ZFPM2: variants seen among roughly 807,000 people sequenced by gnomAD.
ZFPM2 encodes zinc finger protein, FOG family member 2.
In ZFPM2, 20 loss-of-function variants were observed where a neutral mutation model predicts 98.6. That is an observed-to-expected ratio of 0.20 (90% CI 0.14 to 0.29). ZFPM2 has a LOEUF of 0.29. Ranked by LOEUF, ZFPM2 falls within the 10% of genes least tolerant of loss-of-function variation. The pLI is 1.00. For synonymous variants in ZFPM2, 518 were observed against 502.7 expected, an observed-to-expected ratio of 1.03 and a Z score of -0.41; for missense variants, 1,310 against 1,388.6, an observed-to-expected ratio of 0.94 and a Z score of 0.90.
intron 1 of ZFPM2, among the ~76,000 whole-genome samples, chr8:105,329,129 C>T (rs879710643): frequency 2.0e-5 from 3 of 151,764 alleles, no homozygotes; most frequent in East Asian, 1.9e-4. Flanking sequence ...ACGAAGAGAG[C>T]GTCTGATAAA....
chr8:105,319,376 G>T (rs1811975078), intron 1 of ZFPM2, among the ~76,000 whole-genome samples: 1 of 152,168 alleles, frequency 6.6e-6, no homozygotes, highest in Non-Finnish European at 1.5e-5. Context: ...CTACTCTTGG[G>T]AACCACTTTT....
intron 5 of ZFPM2, among the ~76,000 whole-genome samples, chr8:105,713,747 T>C (rs1439443766): frequency 1.3e-5 from 2 of 152,110 alleles, no homozygotes; most frequent in Admixed American, 1.3e-4. Flanking sequence ...TTTGGAAACA[T>C]TGTTGAAAAT....
intron 5 of ZFPM2, among the ~76,000 whole-genome samples, chr8:105,665,602 C>A (rs1405198384): frequency 4.6e-5 from 7 of 152,134 alleles, no homozygotes; most frequent in Non-Finnish European, 8.8e-5. Context: ...TGCTACAATA[C>A]ACTAAAAGAA....
At chr8:105,459,540 CAAT>C (rs1490659563) in intron 3 of ZFPM2, among the ~76,000 whole-genome samples, 2 of 152,114 alleles carry the variant, frequency 1.3e-5, no homozygotes, top group Non-Finnish European at 2.9e-5. Flanking sequence ...GATTAAACAA[CAAT>C]AATTTTTTTC....
chr8:105,378,801 T>C lies in ZFPM2; in HGVS notation c.41-40343T>C, dbSNP rs192226698. Among the ~76,000 whole-genome samples, 1,197 of 152,296 alleles carry C rather than the reference T, an allele frequency of 7.9e-3. 6 individuals are homozygous for C. The highest frequency in any genetic ancestry group is 0.012 in the Non-Finnish European group (795 of 68,024). Reference sequence around the variant, plus strand: ...AAAGAAGAAGAAAATAAGATATTTCTGATATTTGCCACTACTCTAGTTGGT... The same window carrying C: ...AAAGAAGAAGAAAATAAGATATTTCCGATATTTGCCACTACTCTAGTTGGT... On this transcript the variant is annotated intron_variant, in intron 1 of 7. Coordinates refer to ENST00000407775, the MANE Select transcript of ZFPM2 (RefSeq NM_012082.4).
At chr8:105,653,121 CA>C (rs1817212972) in intron 5 of ZFPM2, among the ~76,000 whole-genome samples, 1 of 152,012 alleles carries the variant, frequency 6.6e-6, no homozygotes, top group Non-Finnish European at 1.5e-5. Context: ...AAATAAGAAA[CA>C]AAAACGAAGT....
intron 3 of ZFPM2, among the ~76,000 whole-genome samples, chr8:105,544,264 T>A (rs1376072232): frequency 6.6e-6 from 1 of 152,200 alleles, no homozygotes; most frequent in Non-Finnish European, 1.5e-5. Context: ...TGAAGATTTG[T>A]CACCTTTATT....
intron 5 of ZFPM2, among the ~76,000 whole-genome samples, chr8:105,648,697 G>A (rs1348022899): frequency 1.3e-5 from 2 of 152,220 alleles, no homozygotes; most frequent in Non-Finnish European, 2.9e-5. Context: ...TAGATGTGTG[G>A]TATTATTTCT....
At chr8:105,540,739 G>T (rs1814558740) in intron 3 of ZFPM2, among the ~76,000 whole-genome samples, 1 of 152,062 alleles carries the variant, frequency 6.6e-6, no homozygotes, top group Admixed American at 6.6e-5. Flanking sequence ...AGACTGCATT[G>T]TCTCTCTTCT....
intron 5 of ZFPM2, among the ~76,000 whole-genome samples, chr8:105,748,322 C>G (rs1796764678): frequency 6.6e-6 from 1 of 151,946 alleles, no homozygotes; most frequent in Admixed American, 6.6e-5. Flanking sequence ...AAGCTCTAGA[C>G]CAAGCATGTA....
intron 3 of ZFPM2, among the ~76,000 whole-genome samples, chr8:105,452,570 T>C (rs1812506142): frequency 6.6e-6 from 1 of 151,958 alleles, no homozygotes; most frequent in Non-Finnish European, 1.5e-5. Flanking sequence ...CAATATTGTG[T>C]AACCCTCATT....
intron 1 of ZFPM2, among the ~76,000 whole-genome samples, chr8:105,329,139 A>T (rs1216763916): frequency 6.6e-6 from 1 of 151,810 alleles, no homozygotes; most frequent in Non-Finnish European, 1.5e-5. Flanking sequence ...CGTCTGATAA[A>T]ACCTGATTGA....
intron 5 of ZFPM2, among the ~76,000 whole-genome samples, chr8:105,735,783 A>T (rs1416583239): frequency 6.6e-6 from 1 of 151,956 alleles, no homozygotes; most frequent in Non-Finnish European, 1.5e-5. Context: ...GGAAAGCAGC[A>T]TTTTTGCTGT....
At chr8:105,689,476 A>G (rs1257357096) in intron 5 of ZFPM2, among the ~76,000 whole-genome samples, 1 of 152,176 alleles carries the variant, frequency 6.6e-6, no homozygotes, top group Non-Finnish European at 1.5e-5. Context: ...GACAAACCAA[A>G]TGCTATTCAG....
At chr8:105,621,473 C>G (rs1816545188) in intron 4 of ZFPM2, among the ~76,000 whole-genome samples, 1 of 152,134 alleles carries the variant, frequency 6.6e-6, no homozygotes, top group African/African-American at 2.4e-5. Flanking sequence ...CATCTGCAAA[C>G]AGGGTCAATT....
chr8:105,604,146 A>G (rs904683839), intron 4 of ZFPM2, among the ~76,000 whole-genome samples: 1 of 152,020 alleles, frequency 6.6e-6, no homozygotes, highest in African/African-American at 2.4e-5. Flanking sequence ...GATGACTCCT[A>G]TCTGAATCTT....
chr8:105,642,691 T>G (rs1466087317), intron 5 of ZFPM2, among the ~76,000 whole-genome samples: 1 of 152,176 alleles, frequency 6.6e-6, no homozygotes, highest in Non-Finnish European at 1.5e-5. Flanking sequence ...CCAGGTGTCA[T>G]GAGGAGTACA....
In ZFPM2 at chr8:105,769,462, A is replaced by G. The variant is rs542046145; in HGVS notation, c.533-19256A>G. On this transcript the variant is annotated intron_variant, in intron 5 of 7. Coordinates refer to ENST00000407775, the MANE Select transcript of ZFPM2 (RefSeq NM_012082.4). ...ATTCTGATAAATGTTCTTCTCTAGC[A>G]TAAGAATCGTGTCTTTTTCACCTCT... 3.4e-4 allele frequency among the ~76,000 whole-genome samples: 52 copies of G among 152,128 alleles called. 1 individual carries two copies. In the South Asian group the frequency reaches 3.9e-3, roughly 12 times the overall value.
At chr8:105,589,911 CA>C (rs1254400396) in intron 4 of ZFPM2, among the ~76,000 whole-genome samples, 1 of 152,028 alleles carries the variant, frequency 6.6e-6, no homozygotes, top group Non-Finnish European at 1.5e-5. Flanking sequence ...TTAGTAGAGA[CA>C]GGGTTTTGCC....
Sources: gnomAD v4.1 joint callset for allele counts (sites outside exome capture counted in the v4.1 genomes callset) on GRCh38, gnomAD v4.1.1 for gene constraint, MANE v1.5 for transcripts, NCBI Gene and HGNC (gene_info 2026-07-23, HGNC 2026-07-21) for gene names.